The following BAZ2B variants were observed in gnomAD, a reference collection of about 807,000 sequenced individuals.
The protein encoded by BAZ2B is bromodomain adjacent to zinc finger domain protein 2B.
In BAZ2B, 91 loss-of-function variants were observed where a neutral mutation model predicts 246.0. The ratio of observed to expected loss-of-function variants is 0.37; its 90% CI spans 0.31 to 0.44. BAZ2B has a LOEUF of 0.44. BAZ2B is among the 20% of genes least tolerant of loss of function. The pLI is 1.00. For synonymous variants in BAZ2B, 855 were observed against 860.0 expected (o/e 0.99, Z 0.10); for missense variants, 2,332 against 2,533.7 (o/e 0.92, Z 1.71).
intron 1 of BAZ2B, among the ~76,000 whole-genome samples, chr2:159,576,260 G>GT (rs1485059481): frequency 6.6e-6 from 1 of 152,052 alleles, no homozygotes; most frequent in Non-Finnish European, 1.5e-5. Context: ...AAGAATTCTT[G>GT]TGAGGATTAC....
At chr2:159,669,962 T>C in the BAZ2B span, among the ~76,000 whole-genome samples, 1 of 151,992 alleles carries the variant, frequency 6.6e-6, no homozygotes, top group East Asian at 1.9e-4. Context: ...TAGTTCCTGT[T>C]GCTCTTTCTT....
chr2:159,432,849 T>C lies in BAZ2B; in HGVS notation c.1808A>G (p.Asp603Gly). 6.2e-7 allele frequency: 1 copy of C among 1,614,196 alleles called. No homozygotes were observed. Among genetic ancestry groups the C allele is most frequent in the Non-Finnish European group, 8.5e-7 (1 of 1,180,020 alleles). Residue 603 changes from aspartate (D) to glycine (G), a missense_variant, in exon 9 of 37, where the codon GAT (aspartate) becomes GGT (glycine). By Grantham distance (94) the Asp-to-Gly change is moderately conservative. This residue lies in a region of BAZ2B where 651 missense variants were observed against 650.9 expected (regional missense o/e 1.00). Transcript: ENST00000392783. ...GTDSDIPSSKDSEDSNEDEEE... is the reference protein window; with the variant it reads ...GTDSDIPSSKGSEDSNEDEEE... ...TTCATCCTCATTTGAATCTTCAGAATCTTTACTACTGGGAATGTCTGAATC... is the reference window on the plus strand; with the variant it reads ...TTCATCCTCATTTGAATCTTCAGAACCTTTACTACTGGGAATGTCTGAATC...
chr2:159,337,878 T>C (rs1575737758), intron 31 of BAZ2B, 106 bp from the exon 32 acceptor site: 1 of 1,098,936 alleles, frequency 9.1e-7, no homozygotes, highest in Non-Finnish European at 1.3e-6. Flanking sequence ...ATCTCAAGGA[T>C]TGTTACTAAA....
intron 36 of BAZ2B, among the ~76,000 whole-genome samples, chr2:159,324,412 C>T (rs1156930306): frequency 6.6e-6 from 1 of 152,016 alleles, no homozygotes; most frequent in African/African-American, 2.4e-5. Context: ...TTTGTTAAAT[C>T]CATATGACGT....
chr2:159,537,568 T>C (rs1455641605), intron 2 of BAZ2B, among the ~76,000 whole-genome samples: 1 of 152,378 alleles, frequency 6.6e-6, no homozygotes, highest in East Asian at 1.9e-4. Context: ...CCTATAACTA[T>C]AACCTTCTTC....
At chr2:159,416,549 G>A (rs1053386791) in intron 13 of BAZ2B, among the ~76,000 whole-genome samples, 19 of 152,076 alleles carry the variant, frequency 1.2e-4, no homozygotes, top group Non-Finnish European at 5.9e-5. Flanking sequence ...ATCTGCATTT[G>A]GTTTTTAAAG....
chr2:159,432,915 G>C lies in BAZ2B; in HGVS notation c.1742C>G (p.Ser581Cys). Residue 581 changes from serine (S) to cysteine (C), a missense_variant, in exon 9 of 37, where the codon TCC (serine) becomes TGC (cysteine). This residue lies in a region of BAZ2B where 651 missense variants were observed against 650.9 expected (regional missense o/e 1.00). Transcript: ENST00000392783. ...TTCCACTAAAGATTTTGCAGGATGG[G>C]AGTGATGCTGTGTTTTTACTGGGTT... ...NVNPVKTQHHSHPAKSLVEQF... is the reference protein window; with the variant it reads ...NVNPVKTQHHCHPAKSLVEQF... 4 of 1,614,070 alleles carry C rather than the reference G, an allele frequency of 2.5e-6. No homozygotes were observed. The highest frequency in any genetic ancestry group is 3.4e-6 in the Non-Finnish European group (4 of 1,179,990).
intron 21 of BAZ2B, among the ~76,000 whole-genome samples, chr2:159,387,795 CACTT>C (rs1333213766): frequency 2.0e-5 from 3 of 152,026 alleles, no homozygotes; most frequent in African/African-American, 7.2e-5. Context: ...AAATGAAGCT[CACTT>C]AGGATTTAAA....
intron 8 of BAZ2B, 160 bp from the exon 9 acceptor site, chr2:159,433,523 G>A: frequency 1.7e-6 from 1 of 582,512 alleles, no homozygotes; most frequent in East Asian, 3.1e-5. Context: ...GCTATGACTA[G>A]TTGGTTGCTA....
intron 36 of BAZ2B, 51 bp from the exon 37 acceptor site, chr2:159,320,469 T>G: frequency 1.4e-6 from 2 of 1,435,610 alleles, no homozygotes; most frequent in Non-Finnish European, 1.9e-6. Context: ...GGATTTGTTT[T>G]GTAAACAAAT....
chr2:159,328,310 G>C (rs892729319), intron 34 of BAZ2B, among the ~76,000 whole-genome samples: 4 of 152,030 alleles, frequency 2.6e-5, no homozygotes, highest in African/African-American at 9.7e-5. Flanking sequence ...AATTCAAAGA[G>C]GAACTTAGTG....
At chr2:159,586,820 CTAAAAAATAAAT>C (rs1688114450) in intron 1 of BAZ2B, among the ~76,000 whole-genome samples, 1 of 151,962 alleles carries the variant, frequency 6.6e-6, no homozygotes, top group East Asian at 1.9e-4. Context: ...AACTCTAAAA[CTAAAAAATAAAT>C]TGATGTATAA....
Position 159,430,937 on chromosome 2 carries a change from G to A in BAZ2B, c.2120C>T (p.Ala707Val). ...AGGTGACTGGGATTCAGAACATAAG[G>A]CAGCAGGAGCAGAGCCTGGGGCTTT... The part of the protein sequence containing the change: ...IAKAPGSAPA[A>V]LCSESQSPAF... Residue 707 changes from alanine (A) to valine (V), a missense_variant, in exon 10 of 37, where the codon GCC (alanine) becomes GTC (valine). Ala to Val is a moderately conservative substitution (Grantham distance 64). Coordinates refer to ENST00000392783, the MANE Select transcript of BAZ2B (RefSeq NM_013450.4). 1 of 1,613,986 alleles carries A rather than the reference G, an allele frequency of 6.2e-7. No individual in the cohort carries two copies. The highest frequency in any genetic ancestry group is 8.5e-7 in the Non-Finnish European group (1 of 1,179,894).
At chr2:159,619,704 C>T (rs1397191869), upstream of BAZ2B, among the ~76,000 whole-genome samples, 7 of 151,600 alleles carry the variant, frequency 4.6e-5, no homozygotes, top group Non-Finnish European at 1.0e-4. Flanking sequence ...CTGGATTACT[C>T]CAAGTATTTG....
chr2:159,701,400 A>C, the BAZ2B span, among the ~76,000 whole-genome samples: 1 of 151,812 alleles, frequency 6.6e-6, no homozygotes, highest in African/African-American at 2.4e-5. Context: ...TTTTAATAGG[A>C]GTATATAGTC....
the BAZ2B span, among the ~76,000 whole-genome samples, chr2:159,679,180 G>A: frequency 2.0e-5 from 3 of 147,274 alleles, no homozygotes; most frequent in African/African-American, 7.6e-5. Context: ...GCTGAGGCAG[G>A]AGAATGGCGT....
chr2:159,657,911 A>T, the BAZ2B span, among the ~76,000 whole-genome samples: 3 of 152,168 alleles, frequency 2.0e-5, no homozygotes, highest in Non-Finnish European at 4.4e-5. Flanking sequence ...CCCAATCTGC[A>T]GGCATTTTGT....
chr2:159,453,692 C>T lies in BAZ2B; in HGVS notation c.255G>A (p.Gly85=). ...PVFGLHSASS[G]HSEFGGLGTL... ...TCCCCAAACCACCAAATTCTGAATG[C>T]CCTGAGCTGGCTGAATGTAGACCAA... Residue 85 remains glycine (G), a synonymous_variant, in exon 4 of 37, where the codon GGG becomes GGA. Coordinates refer to ENST00000392783, the MANE Select transcript of BAZ2B (RefSeq NM_013450.4). 1.2e-6 allele frequency: 2 copies of T among 1,613,664 alleles called. No homozygotes were observed. Among genetic ancestry groups the T allele is most frequent in the Non-Finnish European group, 1.7e-6 (2 of 1,179,808 alleles).
chr2:159,469,113 T>C, intron 3 of BAZ2B, among the ~76,000 whole-genome samples: 1 of 102,104 alleles, frequency 9.8e-6, no homozygotes, highest in Non-Finnish European at 2.1e-5. Flanking sequence ...CAGAAGGAAA[T>C]AATTAATGAG....
Sources: allele counts gnomAD v4.1 joint callset (sites outside exome capture counted in the v4.1 genomes callset), GRCh38; gene constraint gnomAD v4.1.1; regional missense constraint gnomAD v4.1.1; transcripts MANE v1.5; gene names NCBI Gene and HGNC (gene_info 2026-07-23, HGNC 2026-07-21).